The following TKFC variants were observed in gnomAD, a reference collection of about 807,000 sequenced individuals.
TKFC encodes triokinase/FMN cyclase.
TKFC carries 46 observed loss-of-function variants against 61.0 expected under a neutral mutation model. The ratio of observed to expected loss-of-function variants is 0.75; its 90% CI spans 0.60 to 0.96. The LOEUF (loss-of-function observed/expected upper bound fraction) is 0.96. TKFC is among the 50% of genes least tolerant of loss of function. The pLI, the probability that TKFC is intolerant of heterozygous loss-of-function variation, is 0.00. For synonymous variants in TKFC, 314 were observed against 330.1 expected (o/e 0.95, Z 0.53); for missense variants, 715 against 777.5 (o/e 0.92, Z 0.96).
rs921205794 is a variant in TKFC, at chr11:61,348,720, C to T, written c.*2217C>T. On this transcript the variant is annotated 3_prime_UTR_variant, in exon 18 of 18. Transcript: ENST00000394900. ...CGCCTTCATCTTGGATGTCTATAGC[C>T]TCCAGAACTGTGAGAAATAAACACT... The T allele has an allele frequency of 1.3e-5, 2 of 156,694 alleles. No individual in the cohort carries two copies. Among genetic ancestry groups the T allele is most frequent in the African/African-American group, 4.8e-5 (2 of 41,538 alleles). The allele number at this position is 156,694 out of a possible 1,614,324, so 9.7% of individuals were successfully genotyped here.
chr11:61,350,374 C>T (rs1565064820), downstream of TKFC: 1 of 1,606,468 alleles, frequency 6.2e-7, no homozygotes, highest in South Asian at 1.1e-5. Flanking sequence ...CCACCAGGAG[C>T]TCTTGGGAGC....
Position 61,348,225 on chromosome 11 carries a change from T to C in TKFC, c.*1722T>C. 1.0e-6 allele frequency: 1 copy of C among 985,452 alleles called. No individual in the cohort carries two copies. The highest frequency in any genetic ancestry group is 1.2e-6 in the Non-Finnish European group (1 of 829,930). The allele number at this position is 985,452 out of a possible 1,614,324, so 61.0% of individuals were successfully genotyped here. A position where few individuals can be genotyped will look rare whatever the true frequency, so the allele number is the denominator to read the frequency against. ...CAACCTAGTCACCCTTTTTGAGTCT[T>C]GTTTTCTCAGATTATGAAATAGGAA... On this transcript the variant is annotated 3_prime_UTR_variant, in exon 18 of 18. Coordinates refer to ENST00000394900, the MANE Select transcript of TKFC (RefSeq NM_015533.4).
intron 13 of TKFC, 144 bp downstream of exon 13, chr11:61,344,417 G>A: frequency 1.7e-6 from 2 of 1,191,524 alleles, no homozygotes; most frequent in Non-Finnish European, 2.3e-6. Context: ...GCTGGAGTAT[G>A]CAATGGTGTG....
downstream of TKFC, chr11:61,349,549 A>G (rs1287519248): frequency 2.8e-6 from 2 of 702,978 alleles, no homozygotes; most frequent in Non-Finnish European, 5.2e-6. Flanking sequence ...TGTTCTTGGG[A>G]GAGCAGGTCA....
intron 3 of TKFC, 79 bp from the exon 4 acceptor site, chr11:61,338,987 C>T (rs1043318978): frequency 2.4e-6 from 3 of 1,254,074 alleles, no homozygotes; most frequent in East Asian, 2.4e-5. Flanking sequence ...CAAACCATGA[C>T]CCCCGGAGTG....
chr11:61,346,356 C>T lies in TKFC; in HGVS notation c.1581C>T (p.Ala527=), dbSNP rs749765757. 1.3e-5 allele frequency: 21 copies of T among 1,612,344 alleles called. No homozygotes were observed. The highest frequency in any genetic ancestry group is 4.0e-5 in the African/African-American group (3 of 74,906). The change falls in exon 18 of 18, where the codon GCC becomes GCT. Residue 527 remains alanine (A), a synonymous_variant. Coordinates refer to ENST00000394900, the MANE Select transcript of TKFC (RefSeq NM_015533.4). This position sits in a 1 kb window ranked among gnomAD's most constrained non-coding sequence, Gnocchi z 4.1. The part of the protein sequence containing the change: ...LQVLTKAVKS[A]EAAAEATKNM... ...TCCCACACCCCATCCCCCAGAGTGC[C>T]GAAGCTGCAGCCGAGGCCACCAAGA...
chr11:61,343,710 A>C lies in TKFC; in HGVS notation c.983-146A>C, dbSNP rs1344624903. On this transcript the variant is annotated intron_variant, in intron 11 of 17. Coordinates refer to ENST00000394900, the MANE Select transcript of TKFC (RefSeq NM_015533.4). The stretch of plus-strand genomic sequence containing the variant: ...CTCCATACCCCTGTATACAGTAGGC[A>C]CTCAGTCCATGCTTGTCGAGGTGGA... 3.2e-6 allele frequency: 4 copies of C among 1,231,662 alleles called. No individual in the cohort carries two copies. In the African/African-American group the frequency reaches 6.0e-5, roughly 18 times the overall value. 76.3% of individuals were successfully genotyped at this position (1,231,662 alleles called of 1,614,324 possible).
downstream of TKFC, chr11:61,349,320 G>A (rs1246451603): frequency 3.8e-6 from 2 of 520,764 alleles, no homozygotes; most frequent in Non-Finnish European, 7.0e-6. Flanking sequence ...TCTGAAGGTG[G>A]CAGTGGCTCC....
At chr11:61,352,710 C>G, downstream of TKFC, 1 of 919,636 alleles carries the variant, frequency 1.1e-6, no homozygotes, top group Non-Finnish European at 1.5e-6. Context: ...CAATCAATAC[C>G]AATGATGTAG....
rs372460320 is a variant in TKFC at position 61,344,315 on chromosome 11, C to T, written c.1240+42C>T. The T allele has an allele frequency of 2.5e-6, 4 of 1,575,872 alleles. No individual in the cohort carries two copies. The African/African-American group carries it at 5.4e-5, about 21-fold the overall frequency. On this transcript the variant is annotated intron_variant, in intron 13 of 17. Transcript: ENST00000394900. ...TTGCCAAGTGAGGTCATTCACAAAA[C>T]CTTAGCCCCCCTTCCACTTGTTTCC... is the stretch of plus-strand genomic sequence containing the variant.
At chr11:61,335,837 C>G (rs1856583292) in intron 2 of TKFC, 3 of 152,070 alleles carry the variant, frequency 2.0e-5, no homozygotes, top group Admixed American at 2.0e-4. Flanking sequence ...TCTTTTTGCC[C>G]AGGCTGGAGT....
intron 2 of TKFC, chr11:61,335,193 A>T (rs1261950174): frequency 5.9e-6 from 1 of 169,102 alleles, no homozygotes; most frequent in East Asian, 1.6e-4. Flanking sequence ...AACCAAAACA[A>T]GCCTTGAACA....
chr11:61,350,457 C>T, downstream of TKFC: 1 of 1,609,292 alleles, frequency 6.2e-7, no homozygotes, highest in Non-Finnish European at 8.5e-7. Flanking sequence ...GAGTTAATGA[C>T]ATGATGCAGG....
intron 7 of TKFC, 52 bp from the exon 8 acceptor site, chr11:61,342,409 G>T: frequency 1.2e-6 from 2 of 1,612,794 alleles, no homozygotes; most frequent in Admixed American, 1.7e-5. Context: ...TAAAAACGAT[G>T]AGCAAATCCC....
At chr11:61,340,793 A>G (rs538934292) in intron 5 of TKFC, among the ~76,000 whole-genome samples, 2 of 151,954 alleles carry the variant, frequency 1.3e-5, no homozygotes, top group African/African-American at 4.8e-5. Flanking sequence ...GCTAACTCCT[A>G]CCATTCTACA....
At chr11:61,342,133 C>T (rs1457082697) in intron 7 of TKFC, among the ~76,000 whole-genome samples, 1 of 152,184 alleles carries the variant, frequency 6.6e-6, no homozygotes, top group East Asian at 1.9e-4. Flanking sequence ...GCACTGCCCA[C>T]CTCCTAGCCT....
chr11:61,334,805 G>T, intron 2 of TKFC, 74 bp downstream of exon 2: 1 of 1,608,118 alleles, frequency 6.2e-7, no homozygotes, highest in Non-Finnish European at 8.5e-7. Flanking sequence ...GCAAGCTAAA[G>T]CTCCTTACAC....
intron 5 of TKFC, 55 bp from the exon 6 acceptor site, chr11:61,341,381 C>T (rs1014074907): frequency 1.8e-5 from 27 of 1,537,946 alleles, no homozygotes; most frequent in Middle Eastern, 3.3e-4. Flanking sequence ...TCTTCTACCC[C>T]ACATGGTACA....
intron 15 of TKFC, 62 bp from the exon 16 acceptor site, chr11:61,345,650 A>G (rs1857085732): frequency 6.2e-7 from 1 of 1,613,796 alleles, no homozygotes; most frequent in Middle Eastern, 1.7e-4. Context: ...CCCTAGCCCA[A>G]CCCTCAGAGT....
Sources: allele counts gnomAD v4.1 joint callset (sites outside exome capture counted in the v4.1 genomes callset), GRCh38; gene constraint gnomAD v4.1.1; non-coding constraint Gnocchi (gnomAD v3.1); transcripts MANE v1.5; gene names NCBI Gene and HGNC (gene_info 2026-07-23, HGNC 2026-07-21).